Variants in CLXN observed in about 807,000 individuals in gnomAD.
The protein encoded by CLXN is calaxin, also known as EF-hand calcium binding domain 1.
At chr8:48,733,362 T>C in the CLXN span, among the ~76,000 whole-genome samples, 1 of 152,186 alleles carries the variant, frequency 6.6e-6, no homozygotes. Flanking sequence ...AATTCTAGAA[T>C]ACAATACTAA....
At chr8:48,716,156 G>A in the CLXN span, 2 of 152,534 alleles carry the variant, frequency 1.3e-5, no homozygotes, top group East Asian at 1.9e-4. Flanking sequence ...GAGAATTCTA[G>A]CACTGCTTGG....
At chr8:48,716,436 G>A in the CLXN span, 5 of 152,494 alleles carry the variant, frequency 3.3e-5, no homozygotes, top group African/African-American at 9.6e-5. Flanking sequence ...GGATCCCACA[G>A]TGCAGTGGCA....
chr8:48,727,878 A>T, the CLXN span, among the ~76,000 whole-genome samples: 1 of 152,144 alleles, frequency 6.6e-6, no homozygotes, highest in Non-Finnish European at 1.5e-5. Flanking sequence ...ATTCAAGGAC[A>T]TATTTTGGAG....
the CLXN span, among the ~76,000 whole-genome samples, chr8:48,728,514 T>A: frequency 1.3e-5 from 2 of 152,144 alleles, no homozygotes; most frequent in African/African-American, 2.4e-5. Flanking sequence ...GTACCCAGGG[T>A]ATTCCACTAA....
the CLXN span, chr8:48,731,608 A>G: frequency 1.1e-6 from 1 of 910,656 alleles, no homozygotes; most frequent in East Asian, 2.9e-5. Flanking sequence ...GACATCAAAT[A>G]GGTAATTGTC....
At chr8:48,731,859 T>C in the CLXN span, among the ~76,000 whole-genome samples, 1 of 152,200 alleles carries the variant, frequency 6.6e-6, no homozygotes. Flanking sequence ...ATTTTTACCA[T>C]GGCATTTACG....
chr8:48,716,274 TCC>T, the CLXN span: 1 of 152,716 alleles, frequency 6.5e-6, no homozygotes, highest in African/African-American at 2.4e-5. Flanking sequence ...AGCCGGCCGC[TCC>T]AAGTGCGGGG....
At chr8:48,722,301 G>C in the CLXN span, among the ~76,000 whole-genome samples, 2 of 152,188 alleles carry the variant, frequency 1.3e-5, no homozygotes, top group African/African-American at 2.4e-5. Context: ...AGGATATGGA[G>C]AAAAGAGAAT....
At chr8:48,729,273 A>G in the CLXN span, 1 of 726,182 alleles carries the variant, frequency 1.4e-6, no homozygotes. Context: ...GCCTGTAATC[A>G]TAGCACTTTG....
the CLXN span, among the ~76,000 whole-genome samples, chr8:48,722,080 A>G: frequency 6.6e-6 from 1 of 152,206 alleles, no homozygotes; most frequent in African/African-American, 2.4e-5. Flanking sequence ...CTACAACTCA[A>G]TAGCAACAAC....
At chr8:48,715,146 C>T in the CLXN span, 10 of 152,162 alleles carry the variant, frequency 6.6e-5, no homozygotes, top group East Asian at 3.9e-4. Context: ...AGGATTTATA[C>T]CAGAATATTA....
the CLXN span, chr8:48,729,768 G>T: frequency 6.8e-6 from 11 of 1,612,738 alleles, no homozygotes; most frequent in Admixed American, 1.8e-4. Context: ...CTTCATCAGG[G>T]TCTTCCTCAG....
chr8:48,735,030 C>A, the CLXN span: 1 of 1,584,496 alleles, frequency 6.3e-7, no homozygotes, highest in Non-Finnish European at 8.6e-7. Flanking sequence ...CGGACCTTAG[C>A]ACGGGGTGGG....
the CLXN span, chr8:48,729,789 G>C: frequency 6.2e-7 from 1 of 1,613,438 alleles, no homozygotes; most frequent in Non-Finnish European, 8.5e-7. Flanking sequence ...ATGGCTGTTT[G>C]AGAAGGCTGT....
the CLXN span, among the ~76,000 whole-genome samples, chr8:48,727,761 G>T: frequency 1.3e-5 from 2 of 152,202 alleles, no homozygotes; most frequent in African/African-American, 4.8e-5. Flanking sequence ...AGAAAAGTCA[G>T]TAGGGGATGA....
the CLXN span, among the ~76,000 whole-genome samples, chr8:48,730,309 T>C: frequency 5.3e-5 from 8 of 152,344 alleles, no homozygotes; most frequent in Middle Eastern, 3.4e-3. Flanking sequence ...GCCTATGGTG[T>C]CTTCCTTCGC....
At chr8:48,728,145 C>G in the CLXN span, among the ~76,000 whole-genome samples, 1 of 152,054 alleles carries the variant, frequency 6.6e-6, no homozygotes, top group Non-Finnish European at 1.5e-5. Flanking sequence ...TCCAGGGATG[C>G]CTCATCACCT....
chr8:48,729,604 T>C, the CLXN span: 1 of 955,572 alleles, frequency 1.0e-6, no homozygotes, highest in Non-Finnish European at 1.5e-6. Flanking sequence ...GAGCATAATT[T>C]ATGTGTTTTA....
At chr8:48,712,722 C>T in the CLXN span, among the ~76,000 whole-genome samples, 94 of 152,178 alleles carry the variant, frequency 6.2e-4, 1 homozygote, top group African/African-American at 2.1e-3. Context: ...AAAGTTTGGC[C>T]GGGCGTGGTG....
Sources: gnomAD v4.1 joint callset for allele counts (sites outside exome capture counted in the v4.1 genomes callset) on GRCh38, gnomAD v4.1.1 for gene constraint, MANE v1.5 for transcripts, NCBI Gene and HGNC (gene_info 2026-07-23, HGNC 2026-07-21) for gene names.